LIPA: variants seen among roughly 807,000 people sequenced by gnomAD.
The protein encoded by LIPA is lipase A, lysosomal acid type.
A neutral mutation model predicts 40.6 loss-of-function variants in LIPA; 26 were observed. The ratio of observed to expected loss-of-function variants is 0.64; its 90% confidence interval spans 0.47 to 0.89. The LOEUF (loss-of-function observed/expected upper bound fraction) is 0.89. Among genes scored for constraint, LIPA ranks in the 40% least tolerant of loss-of-function variants. LIPA has a pLI of 0.00. For missense variants in LIPA, 455 were observed against 479.6 expected (o/e 0.95, Z 0.48); for synonymous variants, 188 against 168.4 (o/e 1.12, Z -0.90).
chr10:89,353,916 G>A (rs1000988001), intron 2 of LIPA, among the ~76,000 whole-genome samples: 5 of 152,106 alleles, frequency 3.3e-5, no homozygotes, highest in Non-Finnish European at 7.4e-5. Flanking sequence ...ACTCTAGCCT[G>A]GGTGACAGAA....
At chr10:89,319,708 T>C (rs972908055) in intron 1 of LIPA, among the ~76,000 whole-genome samples, 2 of 152,188 alleles carry the variant, frequency 1.3e-5, no homozygotes, top group African/African-American at 2.4e-5. Flanking sequence ...CCTAACTCAT[T>C]TGATGTGGCC....
At chr10:89,237,781 T>C (rs1356700716) in intron 3 of LIPA, among the ~76,000 whole-genome samples, 1 of 152,210 alleles carries the variant, frequency 6.6e-6, no homozygotes, top group African/African-American at 2.4e-5. Context: ...AAAGTTCTTT[T>C]GATATAGGAA....
chr10:89,326,142 G>A (rs1832722577), intron 1 of LIPA, among the ~76,000 whole-genome samples: 1 of 152,208 alleles, frequency 6.6e-6, no homozygotes, highest in African/African-American at 2.4e-5. Context: ...GCACTCCCAT[G>A]TTTATTGCAG....
intron 1 of LIPA, among the ~76,000 whole-genome samples, chr10:89,265,986 A>G (rs11203055): frequency 0.039 from 5,935 of 152,332 alleles, 146 homozygotes; most frequent in East Asian, 0.075. Context: ...GCATGTGTAC[A>G]ACACACAGTT....
chr10:89,217,635 C>G (rs1318475166), intron 8 of LIPA, among the ~76,000 whole-genome samples: 1 of 152,186 alleles, frequency 6.6e-6, no homozygotes, highest in Non-Finnish European at 1.5e-5. Flanking sequence ...AAGCTATCCA[C>G]TTGAAAGGAT....
intron 1 of LIPA, chr10:89,341,002 C>T (rs1027160103): frequency 5.3e-5 from 8 of 152,144 alleles, no homozygotes; most frequent in African/African-American, 1.7e-4. Flanking sequence ...GTGTATGGGA[C>T]TATAACAGTA....
intron 1 of LIPA, chr10:89,338,639 A>T: frequency 4.4e-6 from 7 of 1,596,962 alleles, no homozygotes; most frequent in Non-Finnish European, 5.1e-6. Flanking sequence ...CATCACAGTG[A>T]CCATGTTTAT....
intron 2 of LIPA, among the ~76,000 whole-genome samples, chr10:89,392,255 A>G (rs1006667974): frequency 6.6e-6 from 1 of 152,194 alleles, no homozygotes; most frequent in African/African-American, 2.4e-5. Flanking sequence ...AACTGAAAAT[A>G]GAGCTATCTC....
chr10:89,223,108 G>T (rs1842721318), intron 7 of LIPA, among the ~76,000 whole-genome samples: 1 of 152,064 alleles, frequency 6.6e-6, no homozygotes, highest in Non-Finnish European at 1.5e-5. Flanking sequence ...CACACTGCAA[G>T]CATACACTTA....
At position 89,314,907 on chromosome 10, in the gene LIPA, T is replaced by TTCTCTCA. The variant is rs1358136753; in HGVS notation, c.-2+27703_-2+27704insTGAGAGA. Among the ~76,000 whole-genome samples the TTCTCTCA allele has an allele frequency of 3.9e-5, 6 of 152,356 alleles. No homozygotes were observed. In the East Asian group the frequency reaches 1.2e-3, roughly 29 times the overall value. ...TTGAGCAGTTTGCTGAATTTGCCTTTTCTCTGATCTTTATTGCTACAATCC... is the reference window on the plus strand; with the variant it reads ...TTGAGCAGTTTGCTGAATTTGCCTTTTCTCTCATCTCTGATCTTTATTGCTACAATCC... On this transcript the variant is annotated intron_variant, in intron 1 of 5. Coordinates refer to the LIPA transcript ENST00000282673.
intron 1 of LIPA, chr10:89,340,148 G>A: frequency 1.3e-6 from 2 of 1,554,238 alleles, no homozygotes; most frequent in Non-Finnish European, 8.7e-7. Flanking sequence ...GGAAAACAGA[G>A]CATCAGAAGC....
At chr10:89,236,378 T>C (rs998635613) in intron 3 of LIPA, among the ~76,000 whole-genome samples, 3 of 122,284 alleles carry the variant, frequency 2.5e-5, no homozygotes, top group African/African-American at 1.5e-4. Context: ...ACACTAATCA[T>C]CTCCACGTAA....
chr10:89,410,102 A>G (rs1451886135), intron 2 of LIPA, among the ~76,000 whole-genome samples: 1 of 152,218 alleles, frequency 6.6e-6, no homozygotes, highest in East Asian at 1.9e-4. Flanking sequence ...TAAGTAAGGA[A>G]ACTGATATAG....
intron 1 of LIPA, among the ~76,000 whole-genome samples, chr10:89,335,711 C>A (rs1297843088): frequency 2.6e-5 from 4 of 152,050 alleles, no homozygotes; most frequent in African/African-American, 9.7e-5. Context: ...TTTTCAGGCA[C>A]CCATATGTAC....
At position 89,383,911 on chromosome 10, in the gene LIPA, G is replaced by T. The variant is rs1277261478; in HGVS notation, c.61+28880C>A. 1.1e-5 allele frequency: 18 copies of T among 1,614,166 alleles called. No homozygotes were observed. The highest frequency in any genetic ancestry group is 6.7e-5 in the African/African-American group (5 of 75,048). On this transcript the variant is annotated intron_variant, in intron 2 of 8. Coordinates refer to the LIPA transcript ENST00000371837. ...TAACACAGCATCAGGGAGGAATAAG[G>T]CATTTTCTCTGCACGTCCTAAAACG... is the stretch of plus-strand genomic sequence containing the variant.
At position 89,227,278 on chromosome 10, in the gene LIPA, T is replaced by A. The variant is rs564820135; in HGVS notation, c.429-274A>T. ...TGTAAGTAGAATTATACAATGTGTA[T>A]TCTCCTGTATCTGGCTTAATCCATT... On this transcript the variant is annotated intron_variant, in intron 4 of 9. Transcript: ENST00000336233. 2.6e-5 allele frequency among the ~76,000 whole-genome samples: 4 copies of A among 152,380 alleles called. No individual in the cohort carries two copies. The South Asian group carries it at 8.3e-4, about 32-fold the overall frequency.
At chr10:89,276,696 A>G (rs1843290992) in intron 1 of LIPA, among the ~76,000 whole-genome samples, 2 of 152,232 alleles carry the variant, frequency 1.3e-5, no homozygotes, top group Admixed American at 1.3e-4. Context: ...TCTAATAATA[A>G]TAACATATGC....
At chr10:89,276,687 C>G (rs1276832607) in intron 1 of LIPA, among the ~76,000 whole-genome samples, 4 of 152,126 alleles carry the variant, frequency 2.6e-5, no homozygotes, top group Admixed American at 2.6e-4. Flanking sequence ...TAGGATCCAT[C>G]TAATAATAAT....
chr10:89,353,733 G>A (rs1221859676), intron 2 of LIPA, among the ~76,000 whole-genome samples: 1 of 152,118 alleles, frequency 6.6e-6, no homozygotes, highest in African/African-American at 2.4e-5. Context: ...GAGGTCAGAA[G>A]ATCGAGACCA....
Sources: gnomAD v4.1 joint callset for allele counts (sites outside exome capture counted in the v4.1 genomes callset) on GRCh38, gnomAD v4.1.1 for gene constraint, MANE v1.5 for transcripts, NCBI Gene and HGNC (gene_info 2026-07-23, HGNC 2026-07-21) for gene names.